The following CAMK1D variants were observed in gnomAD, a reference collection of about 807,000 sequenced individuals.
The protein encoded by CAMK1D is calcium/calmodulin-dependent protein kinase type 1D.
A neutral mutation model predicts 47.7 loss-of-function variants in CAMK1D; 9 were observed. That is an observed-to-expected ratio of 0.19 (90% CI 0.11 to 0.33). The LOEUF is 0.33. CAMK1D is among the 10% of genes least tolerant of loss of function. CAMK1D has a pLI of 1.00. For synonymous variants in CAMK1D, 184 were observed against 184.9 expected (o/e 0.99, Z 0.04); for missense variants, 291 against 488.7 (o/e 0.60, Z 3.81).
intron 1 of CAMK1D, among the ~76,000 whole-genome samples, chr10:12,358,189 C>T (rs1214319055): frequency 1.3e-5 from 2 of 152,100 alleles, no homozygotes; most frequent in African/African-American, 4.8e-5. Flanking sequence ...GGTACCACTA[C>T]ACCCCAGCCT....
At chr10:12,443,804 A>G (rs1832853903) in intron 1 of CAMK1D, among the ~76,000 whole-genome samples, 5 of 151,698 alleles carry the variant, frequency 3.3e-5, no homozygotes, top group Non-Finnish European at 2.9e-5. Flanking sequence ...TAATTTTTGT[A>G]TTTTCAGTAG....
intron 3 of CAMK1D, 140 bp downstream of exon 3, chr10:12,666,950 G>C (rs1210382098): frequency 1.5e-6 from 1 of 681,668 alleles, no homozygotes; most frequent in African/African-American, 1.8e-5. Context: ...TACTAGAGAG[G>C]CCTGTATCCA....
At chr10:12,791,044 C>G in intron 5 of CAMK1D, 114 bp from the exon 6 acceptor site, 2 of 834,120 alleles carry the variant, frequency 2.4e-6, no homozygotes, top group Non-Finnish European at 2.0e-6. Flanking sequence ...TTATGTCTCT[C>G]TACTCAGTTT....
At chr10:12,559,966 C>T (rs1836884664) in intron 2 of CAMK1D, among the ~76,000 whole-genome samples, 1 of 152,168 alleles carries the variant, frequency 6.6e-6, no homozygotes, top group South Asian at 2.1e-4. Context: ...AGTGAGTTAG[C>T]ACCTCTGTCA....
chr10:12,376,128 A>C (rs1275609925), intron 1 of CAMK1D, among the ~76,000 whole-genome samples: 2 of 128,630 alleles, frequency 1.6e-5, no homozygotes, highest in Non-Finnish European at 3.1e-5. Context: ...ATACCACTGC[A>C]CTCCAGCCTG....
intron 3 of CAMK1D, among the ~76,000 whole-genome samples, chr10:12,721,133 C>T (rs1293414872): frequency 5.3e-5 from 8 of 152,216 alleles, no homozygotes; most frequent in Admixed American, 2.0e-4. Flanking sequence ...GAGATCTTCA[C>T]GGTCAAGGGG....
rs1372207571 is a variant in CAMK1D, at chr10:12,833,706, C to T, written c.*4819C>T. 1 of 152,150 alleles carries T rather than the reference C, an allele frequency of 6.6e-6. No homozygotes were observed. Among genetic ancestry groups the T allele is most frequent in the Non-Finnish European group, 1.5e-5 (1 of 68,030 alleles). The allele number at this position is 152,150 out of a possible 1,614,324, so 9.4% of individuals were successfully genotyped here. A position where few individuals can be genotyped will look rare whatever the true frequency, so the allele number is the denominator to read the frequency against. ...AGTGCGGGCAAAGGGAAGCTCCTCC[C>T]GTTTTTCATAAACAGAAGTAAGATG... On this transcript the variant is annotated 3_prime_UTR_variant, in exon 11 of 11. Coordinates refer to ENST00000619168, the MANE Select transcript of CAMK1D (RefSeq NM_153498.4).
chr10:12,648,505 C>T (rs1375618362), intron 2 of CAMK1D, among the ~76,000 whole-genome samples: 5 of 152,194 alleles, frequency 3.3e-5, no homozygotes, highest in Admixed American at 6.5e-5. Flanking sequence ...GAGTTTCGCT[C>T]TTTCATCTAG....
intron 1 of CAMK1D, among the ~76,000 whole-genome samples, chr10:12,516,396 C>T (rs1031432523): frequency 1.1e-4 from 17 of 152,156 alleles, no homozygotes; most frequent in African/African-American, 2.4e-4. Context: ...CGTGAGCCAC[C>T]GCGCCCAGCC....
chr10:12,629,483 G>A (rs1372739689), intron 2 of CAMK1D, among the ~76,000 whole-genome samples: 10 of 152,178 alleles, frequency 6.6e-5, no homozygotes, highest in Non-Finnish European at 5.9e-5. Flanking sequence ...CCAGATTCTT[G>A]TGTGTTGTCC....
In CAMK1D at chr10:12,533,642, C is replaced by T. The variant is rs747893492; in HGVS notation, c.93-19583C>T. Among the ~76,000 whole-genome samples the T allele has an allele frequency of 3.2e-4, 49 of 152,188 alleles. 1 individual carries two copies. The highest frequency in any genetic ancestry group is 3.4e-3 in the Middle Eastern group (1 of 294). ...TGCCTCCCTCTACTCTTGAAAATGACGCAGGCCCTCCAGTCTACCCAGGTC... is the reference window on the plus strand; with the variant it reads ...TGCCTCCCTCTACTCTTGAAAATGATGCAGGCCCTCCAGTCTACCCAGGTC... On this transcript the variant is annotated intron_variant, in intron 1 of 10. Transcript: ENST00000619168.
At chr10:12,587,247 G>A (rs1393792510) in intron 2 of CAMK1D, among the ~76,000 whole-genome samples, 1 of 152,156 alleles carries the variant, frequency 6.6e-6, no homozygotes, top group Non-Finnish European at 1.5e-5. Context: ...TGACTGAGGA[G>A]TAGCCAGCCC....
At chr10:12,606,425 A>T (rs1200111040) in intron 2 of CAMK1D, among the ~76,000 whole-genome samples, 1 of 152,174 alleles carries the variant, frequency 6.6e-6, no homozygotes, top group African/African-American at 2.4e-5. Context: ...GATGGCAAAA[A>T]TCAGTCGATG....
At chr10:12,684,955 A>G (rs1399553566) in intron 3 of CAMK1D, among the ~76,000 whole-genome samples, 2 of 152,244 alleles carry the variant, frequency 1.3e-5, no homozygotes, top group African/African-American at 4.8e-5. Context: ...AAGGTCTGTA[A>G]GCAGATAATG....
intron 1 of CAMK1D, among the ~76,000 whole-genome samples, chr10:12,421,013 C>T (rs1325795668): frequency 6.6e-6 from 1 of 152,158 alleles, no homozygotes; most frequent in East Asian, 1.9e-4. Context: ...CTGGTTTGAA[C>T]AGCACCACTC....
intron 6 of CAMK1D, among the ~76,000 whole-genome samples, chr10:12,805,878 G>C (rs963576995): frequency 1.3e-5 from 2 of 152,194 alleles, no homozygotes; most frequent in Non-Finnish European, 2.9e-5. Flanking sequence ...AAGGAATGAG[G>C]CATCACCACC....
intron 3 of CAMK1D, among the ~76,000 whole-genome samples, chr10:12,692,625 T>C (rs1832972761): frequency 6.6e-6 from 1 of 152,220 alleles, no homozygotes; most frequent in African/African-American, 2.4e-5. Context: ...AACTTCTTCA[T>C]AGCCAAAACA....
chr10:12,455,484 G>A (rs1437023208), intron 1 of CAMK1D, among the ~76,000 whole-genome samples: 4 of 152,112 alleles, frequency 2.6e-5, no homozygotes, highest in East Asian at 1.9e-4. Context: ...TGGTAATCAC[G>A]GTTCTGACTG....
At chr10:12,759,853 AATCTT>A (rs1180138649) in intron 3 of CAMK1D, among the ~76,000 whole-genome samples, 1 of 152,136 alleles carries the variant, frequency 6.6e-6, no homozygotes, top group Non-Finnish European at 1.5e-5. Flanking sequence ...TTGGAAAATG[AATCTT>A]ATCTTTGTGT....
Sources: allele counts gnomAD v4.1 joint callset (sites outside exome capture counted in the v4.1 genomes callset), GRCh38; gene constraint gnomAD v4.1.1; transcripts MANE v1.5; gene names NCBI Gene and HGNC (gene_info 2026-07-23, HGNC 2026-07-21).